The following LOC128462377 variants were observed in gnomAD, a reference collection of about 807,000 sequenced individuals.
At chr16:89,372,259 G>C in the LOC128462377 span, among the ~76,000 whole-genome samples, 84,714 of 152,138 alleles carry the variant, frequency 0.56, 24,812 homozygotes, top group East Asian at 0.72. Flanking sequence ...CCTGCAGCCC[G>C]AGCCTCTCAC....
At chr16:89,394,256 T>C in the LOC128462377 span, among the ~76,000 whole-genome samples, 3 of 152,210 alleles carry the variant, frequency 2.0e-5, no homozygotes, top group South Asian at 6.2e-4. Context: ...TGGTCTCCCA[T>C]GTCCCTGGAA....
the LOC128462377 span, among the ~76,000 whole-genome samples, chr16:89,408,480 C>T: frequency 6.6e-6 from 1 of 152,252 alleles, no homozygotes; most frequent in African/African-American, 2.4e-5. Context: ...TGGCAAGTGG[C>T]CGACCCAGAT....
At chr16:89,345,077 C>A in the LOC128462377 span, among the ~76,000 whole-genome samples, 1 of 152,190 alleles carries the variant, frequency 6.6e-6, no homozygotes, top group Non-Finnish European at 1.5e-5. Flanking sequence ...TTCTCAACCA[C>A]TCCCTGCTTA....
At chr16:89,366,292 G>A in the LOC128462377 span, among the ~76,000 whole-genome samples, 14 of 152,146 alleles carry the variant, frequency 9.2e-5, no homozygotes, top group South Asian at 2.3e-3. Context: ...ATGGACATTC[G>A]CCCGCATGTG....
the LOC128462377 span, among the ~76,000 whole-genome samples, chr16:89,348,673 C>G: frequency 0.56 from 85,557 of 151,982 alleles, 24,320 homozygotes; most frequent in Middle Eastern, 0.66. Flanking sequence ...GTAAGCTGAA[C>G]TAGTTTAAGT....
At chr16:89,385,534 G>A in the LOC128462377 span, among the ~76,000 whole-genome samples, 1 of 152,148 alleles carries the variant, frequency 6.6e-6, no homozygotes, top group African/African-American at 2.4e-5. Flanking sequence ...GTATCCCTGT[G>A]TCAGAGCCTC....
At chr16:89,383,882 CTG>C in the LOC128462377 span, among the ~76,000 whole-genome samples, 3 of 152,232 alleles carry the variant, frequency 2.0e-5, no homozygotes, top group African/African-American at 7.2e-5. Context: ...AGTCATACCT[CTG>C]TCTCACAAAC....
the LOC128462377 span, among the ~76,000 whole-genome samples, chr16:89,327,266 A>C: frequency 6.6e-6 from 1 of 152,226 alleles, no homozygotes; most frequent in South Asian, 2.1e-4. Flanking sequence ...TAAAATTCAA[A>C]ACTCACGATA....
the LOC128462377 span, among the ~76,000 whole-genome samples, chr16:89,363,170 T>C: frequency 2.0e-5 from 3 of 151,960 alleles, no homozygotes; most frequent in Admixed American, 6.6e-5. Context: ...CTATCCCTGT[T>C]AAAAAAAATA....
chr16:89,364,805 G>A, the LOC128462377 span, among the ~76,000 whole-genome samples: 1 of 152,098 alleles, frequency 6.6e-6, no homozygotes, highest in Admixed American at 6.6e-5. Flanking sequence ...ATCTCATCTC[G>A]GCTCCAAGTG....
the LOC128462377 span, among the ~76,000 whole-genome samples, chr16:89,377,869 C>G: frequency 6.6e-6 from 1 of 152,046 alleles, no homozygotes; most frequent in East Asian, 1.9e-4. Context: ...CCACCCCCGC[C>G]CCATGAGAAC....
chr16:89,388,424 C>A, the LOC128462377 span, among the ~76,000 whole-genome samples: 1 of 151,568 alleles, frequency 6.6e-6, no homozygotes. Flanking sequence ...GCCACCACGC[C>A]CAGCCTCCAT....
At chr16:89,416,404 C>T in the LOC128462377 span, among the ~76,000 whole-genome samples, 5 of 151,884 alleles carry the variant, frequency 3.3e-5, no homozygotes, top group Admixed American at 3.3e-4. Flanking sequence ...GTTCAAGCAA[C>T]GCTCCTGCCT....
chr16:89,396,211 G>GACA, the LOC128462377 span: 4 of 152,238 alleles, frequency 2.6e-5, no homozygotes, highest in African/African-American at 4.8e-5. Context: ...CCCTGGAAGA[G>GACA]ACAGGTGCTG....
the LOC128462377 span, among the ~76,000 whole-genome samples, chr16:89,336,459 G>A: frequency 6.6e-6 from 1 of 152,256 alleles, no homozygotes; most frequent in Non-Finnish European, 1.5e-5. Flanking sequence ...GGTGAACACT[G>A]AAGGAGGGGC....
At chr16:89,387,455 G>A in the LOC128462377 span, among the ~76,000 whole-genome samples, 4 of 149,796 alleles carry the variant, frequency 2.7e-5, no homozygotes, top group South Asian at 6.4e-4. Context: ...GGCAGATCAC[G>A]AGGTCAGGAG....
At chr16:89,413,982 C>T in the LOC128462377 span, among the ~76,000 whole-genome samples, 1 of 152,124 alleles carries the variant, frequency 6.6e-6, no homozygotes. Flanking sequence ...GCGGAGGGGG[C>T]TCGGCTCTGG....
At chr16:89,380,164 G>C in the LOC128462377 span, among the ~76,000 whole-genome samples, 5 of 152,112 alleles carry the variant, frequency 3.3e-5, no homozygotes, top group African/African-American at 1.2e-4. Context: ...CCAGGCTGGA[G>C]AGCGATGGCG....
At chr16:89,324,578 G>A in the LOC128462377 span, 1 of 452,452 alleles carries the variant, frequency 2.2e-6, no homozygotes, top group Admixed American at 2.4e-5. Context: ...CCATCTGGGG[G>A]GGCATGATCT....
Sources: allele counts gnomAD v4.1 joint callset (sites outside exome capture counted in the v4.1 genomes callset), GRCh38; gene constraint gnomAD v4.1.1; transcripts MANE v1.5.